The following REDIC1 variants were observed in gnomAD, a reference collection of about 807,000 sequenced individuals.
The protein encoded by REDIC1 is regulator of DNA class I crossover intermediates 1.
the REDIC1 span, among the ~76,000 whole-genome samples, chr12:39,863,928 C>T: frequency 6.6e-6 from 1 of 152,132 alleles, no homozygotes; most frequent in Non-Finnish European, 1.5e-5. Flanking sequence ...AAATCATTTA[C>T]TCATTGATTT....
chr12:39,884,122 A>T, the REDIC1 span, among the ~76,000 whole-genome samples: 1 of 152,142 alleles, frequency 6.6e-6, no homozygotes, highest in South Asian at 2.1e-4. Flanking sequence ...CTGTAAACTA[A>T]ATCTGTATTT....
chr12:39,731,523 G>A, the REDIC1 span, among the ~76,000 whole-genome samples: 1 of 152,180 alleles, frequency 6.6e-6, no homozygotes, highest in African/African-American at 2.4e-5. Context: ...TCCTCTGGAA[G>A]CTTTGTCCCA....
At chr12:39,803,027 G>A in the REDIC1 span, among the ~76,000 whole-genome samples, 1 of 152,102 alleles carries the variant, frequency 6.6e-6, no homozygotes, top group Non-Finnish European at 1.5e-5. Flanking sequence ...ATACAATGAA[G>A]GCAGAAATTT....
At chr12:39,848,677 A>T in the REDIC1 span, among the ~76,000 whole-genome samples, 1 of 152,176 alleles carries the variant, frequency 6.6e-6, no homozygotes, top group African/African-American at 2.4e-5. Flanking sequence ...CTAGGTATAT[A>T]TGCAGAGGAA....
At chr12:39,734,189 G>C in the REDIC1 span, among the ~76,000 whole-genome samples, 1 of 152,142 alleles carries the variant, frequency 6.6e-6, no homozygotes, top group African/African-American at 2.4e-5. Context: ...GCGCTTCCTG[G>C]GTGAGGCGAC....
chr12:39,720,817 C>G, the REDIC1 span: 165 of 1,611,360 alleles, frequency 1.0e-4, no homozygotes, highest in East Asian at 3.4e-3. Flanking sequence ...AATATCACAG[C>G]AAATTGAAGA....
the REDIC1 span, among the ~76,000 whole-genome samples, chr12:39,866,171 CA>C: frequency 6.6e-6 from 1 of 152,008 alleles, no homozygotes; most frequent in Non-Finnish European, 1.5e-5. Context: ...AAATTATGAA[CA>C]AAAATATTCA....
chr12:39,802,374 G>A, the REDIC1 span: 15 of 152,182 alleles, frequency 9.9e-5, no homozygotes, highest in Middle Eastern at 3.2e-3. Flanking sequence ...CAAGTGCAAC[G>A]TAACGTTGGT....
the REDIC1 span, among the ~76,000 whole-genome samples, chr12:39,680,248 A>G: frequency 6.6e-6 from 1 of 152,244 alleles, no homozygotes; most frequent in Non-Finnish European, 1.5e-5. Flanking sequence ...AAGGACTAAC[A>G]TCCAGAATCT....
At chr12:39,716,700 TA>T in the REDIC1 span, 1 of 1,259,158 alleles carries the variant, frequency 7.9e-7, no homozygotes, top group South Asian at 1.4e-5. Flanking sequence ...CTGGCATATG[TA>T]TGTTGTAGAT....
chr12:39,863,477 C>T, the REDIC1 span, among the ~76,000 whole-genome samples: 1 of 152,080 alleles, frequency 6.6e-6, no homozygotes, highest in African/African-American at 2.4e-5. Context: ...GACATTAGAT[C>T]TGGAGAATAT....
chr12:39,897,412 C>A, the REDIC1 span, among the ~76,000 whole-genome samples: 7 of 152,134 alleles, frequency 4.6e-5, no homozygotes, highest in African/African-American at 4.8e-5. Context: ...CCCAAGCATG[C>A]AGAAAAAAGA....
the REDIC1 span, among the ~76,000 whole-genome samples, chr12:39,826,496 C>A: frequency 0.037 from 5,380 of 146,658 alleles, 313 homozygotes; most frequent in African/African-American, 0.12. Flanking sequence ...TACTTTGAGT[C>A]TCTTATTTCT....
At chr12:39,710,315 C>G in the REDIC1 span, among the ~76,000 whole-genome samples, 4 of 151,790 alleles carry the variant, frequency 2.6e-5, no homozygotes, top group African/African-American at 9.7e-5. Context: ...AACAGATACA[C>G]AAAAGTTTTA....
At chr12:39,703,081 C>T in the REDIC1 span, among the ~76,000 whole-genome samples, 3 of 152,214 alleles carry the variant, frequency 2.0e-5, no homozygotes, top group Admixed American at 6.5e-5. Flanking sequence ...AAGTTCTGGC[C>T]AGGGCAATTA....
the REDIC1 span, chr12:39,830,275 GC>G: frequency 1.1e-5 from 18 of 1,594,378 alleles, 1 homozygote; most frequent in Non-Finnish European, 1.5e-5. Context: ...GACAACTGGT[GC>G]TCACCATATA....
chr12:39,657,957 A>G, the REDIC1 span, among the ~76,000 whole-genome samples: 1 of 152,008 alleles, frequency 6.6e-6, no homozygotes, highest in Non-Finnish European at 1.5e-5. Flanking sequence ...AGGTAAGGTC[A>G]TTGGTTTGAA....
At chr12:39,763,963 A>C in the REDIC1 span, among the ~76,000 whole-genome samples, 2 of 152,088 alleles carry the variant, frequency 1.3e-5, no homozygotes, top group Non-Finnish European at 2.9e-5. Flanking sequence ...TGAGCAGCAC[A>C]GGTGATACAG....
chr12:39,707,393 C>G, the REDIC1 span, among the ~76,000 whole-genome samples: 1 of 151,862 alleles, frequency 6.6e-6, no homozygotes, highest in Non-Finnish European at 1.5e-5. Context: ...AAAGGGAACC[C>G]TTATACACTA....
Sources: allele counts gnomAD v4.1 joint callset (sites outside exome capture counted in the v4.1 genomes callset), GRCh38; gene constraint gnomAD v4.1.1; transcripts MANE v1.5; gene names NCBI Gene and HGNC (gene_info 2026-07-23, HGNC 2026-07-21).